The following FHIT variants were observed in gnomAD, a reference collection of about 807,000 sequenced individuals.
FHIT encodes bis(5'-adenosyl)-triphosphatase.
In FHIT, 19 loss-of-function variants were observed where a neutral mutation model predicts 17.9. The ratio of observed to expected loss-of-function variants is 1.06; its 90% CI spans 0.74 to 1.56. The LOEUF is 1.56. Ranked by LOEUF, FHIT falls within the 40% of genes most tolerant of loss-of-function variation. The probability of loss-of-function intolerance (pLI) is 0.00; values close to 1 mark genes in which losing one functional copy is unlikely to be tolerated. For synonymous variants in FHIT, 81 were observed against 69.7 expected (o/e 1.16, Z -0.81); for missense variants, 248 against 189.2 (o/e 1.31, Z -1.82).
chr3:59,878,371 C>T (rs73100625), intron 8 of FHIT, among the ~76,000 whole-genome samples: 3,312 of 152,248 alleles, frequency 0.022, 46 homozygotes, highest in South Asian at 0.062. Context: ...CCTCAAGTGT[C>T]TGTGTGGATG....
intron 4 of FHIT, among the ~76,000 whole-genome samples, chr3:60,726,485 G>C (rs1553709601): frequency 6.6e-6 from 1 of 152,158 alleles, no homozygotes; most frequent in African/African-American, 2.4e-5. Context: ...GATCTTGGGA[G>C]TGTTTTCCCA....
At chr3:60,023,402 A>G (rs3856658) in intron 5 of FHIT, among the ~76,000 whole-genome samples, 3,812 of 152,296 alleles carry the variant, frequency 0.025, 148 homozygotes, top group African/African-American at 0.084. Flanking sequence ...ACATACCTCC[A>G]TAGGGTGGCT....
intron 9 of FHIT, chr3:59,751,720 G>C (rs776594266): frequency 1.4e-4 from 33 of 231,856 alleles, no homozygotes; most frequent in Non-Finnish European, 2.3e-4. Flanking sequence ...GAAACATGAA[G>C]GGCAATTTAC....
At chr3:60,810,291 T>C (rs1211198192) in intron 4 of FHIT, among the ~76,000 whole-genome samples, 1 of 152,204 alleles carries the variant, frequency 6.6e-6, no homozygotes, top group Non-Finnish European at 1.5e-5. Flanking sequence ...ACAGAAGGAA[T>C]AGTCCTTTAG....
chr3:60,974,301 T>C (rs150207662), intron 3 of FHIT, among the ~76,000 whole-genome samples: 223 of 152,302 alleles, frequency 1.5e-3, no homozygotes, highest in African/African-American at 5.1e-3. Flanking sequence ...AGAATATAAA[T>C]ATAAGAATGT....
intron 5 of FHIT, among the ~76,000 whole-genome samples, chr3:60,432,819 C>T (rs909806912): frequency 5.3e-5 from 8 of 151,836 alleles, no homozygotes; most frequent in African/African-American, 1.9e-4. Flanking sequence ...ATCACCTATA[C>T]TTGTTTATAT....
chr3:60,170,949 T>C (rs554775132), intron 5 of FHIT, among the ~76,000 whole-genome samples: 13 of 152,062 alleles, frequency 8.5e-5, no homozygotes, highest in Non-Finnish European at 1.5e-4. Context: ...AAAAGGTTAA[T>C]TGGACAAGCA....
chr3:60,955,614 A>ATATATACATATATATATATACATG (rs1709101299), intron 3 of FHIT, among the ~76,000 whole-genome samples: 3 of 12,178 alleles, frequency 2.5e-4, no homozygotes, highest in Non-Finnish European at 8.4e-4. Context: ...ATATATATAT[A>ATATATACATATATATATATACATG]TATATATATA....
intron 5 of FHIT, among the ~76,000 whole-genome samples, chr3:60,351,867 A>T (rs535961253): frequency 0.14 from 21,532 of 152,156 alleles, 1,607 homozygotes; most frequent in Non-Finnish European, 0.16. Context: ...TCAGTCCTAG[A>T]CCTGGCTAAC....
chr3:60,058,190 A>G (rs1156661222), intron 5 of FHIT, among the ~76,000 whole-genome samples: 1 of 114,028 alleles, frequency 8.8e-6, no homozygotes, highest in Non-Finnish European at 1.6e-5. Context: ...ACCAGGCTGG[A>G]GTGCAGTGGC....
intron 8 of FHIT, among the ~76,000 whole-genome samples, chr3:59,868,882 T>C (rs1037910376): frequency 2.6e-4 from 39 of 152,120 alleles, no homozygotes; most frequent in African/African-American, 9.2e-4. Flanking sequence ...ATATATAAAA[T>C]CCCAGGGAAA....
chr3:60,983,911 A>G (rs1298005198), intron 3 of FHIT, among the ~76,000 whole-genome samples: 1 of 151,740 alleles, frequency 6.6e-6, no homozygotes. Flanking sequence ...AATGCAAATG[A>G]TGACAGCATA....
At chr3:60,120,846 T>TA (rs1484333188) in intron 5 of FHIT, among the ~76,000 whole-genome samples, 1 of 45,070 alleles carries the variant, frequency 2.2e-5, no homozygotes, top group Non-Finnish European at 5.7e-5. Flanking sequence ...AGCTAAGTGA[T>TA]TTTTTTTTTC....
At chr3:60,198,292 C>T (rs1702737473) in intron 5 of FHIT, among the ~76,000 whole-genome samples, 2 of 152,094 alleles carry the variant, frequency 1.3e-5, no homozygotes, top group South Asian at 4.1e-4. Flanking sequence ...AAAATCTTTA[C>T]TAACCTAAGT....
In FHIT at chr3:60,660,276, G is replaced by C. The variant is rs557410746; in HGVS notation, c.-17-123297C>G. 2.0e-4 allele frequency among the ~76,000 whole-genome samples: 30 copies of C among 152,280 alleles called. No homozygotes were observed. In the South Asian group the frequency reaches 4.8e-3, roughly 24 times the overall value. ...GGCTCTGTCTGCACCTTTGTAATCA[G>C]AAGCAACAATTAGCTATCAGAGAAC... On this transcript the variant is annotated intron_variant, in intron 4 of 9. Coordinates refer to ENST00000492590, the MANE Select transcript of FHIT (RefSeq NM_002012.4).
intron 6 of FHIT, among the ~76,000 whole-genome samples, chr3:60,013,742 T>A (rs1700228202): frequency 6.6e-6 from 1 of 152,190 alleles, no homozygotes; most frequent in South Asian, 2.1e-4. Context: ...CAATTTGGAA[T>A]GTCTGAATGT....
chr3:61,052,426 G>T (rs565369760), intron 2 of FHIT, among the ~76,000 whole-genome samples: 1 of 152,232 alleles, frequency 6.6e-6, no homozygotes, highest in East Asian at 1.9e-4. Flanking sequence ...ATGAAAAATC[G>T]GTGCTTGCGG....
chr3:59,915,345 A>C (rs554089637), intron 8 of FHIT, among the ~76,000 whole-genome samples: 4 of 152,306 alleles, frequency 2.6e-5, no homozygotes, highest in South Asian at 4.1e-4. Context: ...ACACGTGATT[A>C]AATTTTTCTT....
At chr3:59,987,018 A>T (rs1474493912) in intron 7 of FHIT, among the ~76,000 whole-genome samples, 20 of 124,646 alleles carry the variant, frequency 1.6e-4, no homozygotes, top group East Asian at 2.3e-4. Context: ...AAAATAAAAA[A>T]ATAAAAATAT....
Sources: gnomAD v4.1 joint callset for allele counts (sites outside exome capture counted in the v4.1 genomes callset) on GRCh38, gnomAD v4.1.1 for gene constraint, MANE v1.5 for transcripts, NCBI Gene and HGNC (gene_info 2026-07-23, HGNC 2026-07-21) for gene names.